Variants in TRIM66 observed in about 807,000 individuals in gnomAD.
The protein encoded by TRIM66 is tripartite motif containing 66, also known as tripartite motif-containing protein 66.
Under a neutral mutation model 148.2 loss-of-function variants are expected in TRIM66, and 99 were observed. The ratio of observed to expected loss-of-function variants is 0.67; its 90% CI spans 0.57 to 0.79. The LOEUF (loss-of-function observed/expected upper bound fraction) is 0.79, where lower values mean the gene tolerates loss of function less well. Ranked by LOEUF, TRIM66 falls within the 30% of genes least tolerant of loss-of-function variation. The pLI is 0.00. For missense variants in TRIM66, 1,666 were observed against 1,697.9 expected (o/e 0.98, Z 0.33); for synonymous variants, 616 against 635.9 (o/e 0.97, Z 0.47).
At chr11:8,638,511 A>G (rs972733514) in intron 15 of TRIM66, 143 bp downstream of exon 15, 5 of 880,528 alleles carry the variant, frequency 5.7e-6, no homozygotes, top group Non-Finnish European at 6.7e-6. Context: ...TCACTACGGC[A>G]GAAGGCATGA....
rs754524842 is a variant in TRIM66, at chr11:8,640,875, G to A, written c.1500C>T (p.Pro500=). 462 of 1,550,480 alleles carry A rather than the reference G, an allele frequency of 3.0e-4. No homozygotes were observed. The highest frequency in any genetic ancestry group is 3.5e-4 in the Non-Finnish European group (401 of 1,146,944). The change falls in exon 14 of 25, where the codon CCC becomes CCT. Residue 500 remains proline, a synonymous_variant. Transcript: ENST00000646038. ...HSFRQPPEMV[P]QQLGSLQCSA... is the part of the protein sequence containing the mutation. ...AGCACTGCAGAGACCCCAGCTGCTG[G>A]GGCACCATCTCAGGGGGCTGCCTGA...
At chr11:8,631,980 G>A (rs114185559) in intron 15 of TRIM66, among the ~76,000 whole-genome samples, 1 of 152,144 alleles carries the variant, frequency 6.6e-6, no homozygotes, top group Non-Finnish European at 1.5e-5. Flanking sequence ...TTTGGGAGTT[G>A]TGTCTAGGAA....
At chr11:8,682,775 A>T (rs1409393558), upstream of TRIM66, 1 of 1,613,470 alleles carries the variant, frequency 6.2e-7, no homozygotes, top group Non-Finnish European at 8.5e-7. Context: ...ACCTCGCGAG[A>T]CTTGGCGAAG....
At chr11:8,673,015 C>T (rs1483995570) in intron 4 of TRIM66, among the ~76,000 whole-genome samples, 2 of 148,774 alleles carry the variant, frequency 1.3e-5, no homozygotes, top group African/African-American at 5.0e-5. Context: ...TCTCTGCTCA[C>T]TGCAAGCTCC....
chr11:8,633,677 T>C (rs911707702), intron 15 of TRIM66, among the ~76,000 whole-genome samples: 6 of 152,280 alleles, frequency 3.9e-5, no homozygotes, highest in Non-Finnish European at 7.4e-5. Flanking sequence ...GAGGAAAAGA[T>C]TGTCCCTGAG....
chr11:8,659,738 C>T (rs1448171260), intron 6 of TRIM66, among the ~76,000 whole-genome samples: 1 of 152,132 alleles, frequency 6.6e-6, no homozygotes, highest in Non-Finnish European at 1.5e-5. Context: ...GCATTCAGAC[C>T]AGCACTGGTT....
At chr11:8,650,714 T>C (rs973691612) in intron 7 of TRIM66, among the ~76,000 whole-genome samples, 1 of 152,114 alleles carries the variant, frequency 6.6e-6, no homozygotes, top group African/African-American at 2.4e-5. Flanking sequence ...TGGAACTCAG[T>C]CTAGGAGTGG....
chr11:8,657,312 G>A (rs2037911953), intron 6 of TRIM66, among the ~76,000 whole-genome samples: 1 of 152,162 alleles, frequency 6.6e-6, no homozygotes, highest in Non-Finnish European at 1.5e-5. Flanking sequence ...GCAACTTGAA[G>A]CTGGGGTCCG....
chr11:8,675,759 TGA>T (rs2039149275), intron 3 of TRIM66, among the ~76,000 whole-genome samples: 2 of 152,152 alleles, frequency 1.3e-5, no homozygotes, highest in South Asian at 2.1e-4. Context: ...TATTAATTTT[TGA>T]GAGAGTCTCG....
chr11:8,673,179 C>T (rs57012665), intron 4 of TRIM66, among the ~76,000 whole-genome samples: 18,623 of 148,504 alleles, frequency 0.13, 1,427 homozygotes, highest in East Asian at 0.36. Context: ...CCACCCGCCT[C>T]GGCCTCCCAA....
chr11:8,640,939 C>G lies in TRIM66; in HGVS notation c.1436G>C (p.Gly479Ala), dbSNP rs1230611456. The G allele has an allele frequency of 2.6e-6, 4 of 1,550,996 alleles. No individual in the cohort carries two copies. The highest frequency in any genetic ancestry group is 3.5e-6 in the Non-Finnish European group (4 of 1,146,942). ...GTGTATGCTGGGTGGGGGGACCTGGCCTTTGAGGGAAGGCGAGACTGGGGA... is the reference window on the plus strand; with the variant it reads ...GTGTATGCTGGGTGGGGGGACCTGGGCTTTGAGGGAAGGCGAGACTGGGGA... ...HCSPVSPSLK[G>A]QVPPPSIHPA... The change falls in exon 14 of 25, where the codon GGC (glycine) becomes GCC (alanine). Residue 479 changes from glycine (G) to alanine (A), a missense_variant. By Grantham distance (60) the Gly-to-Ala change is moderately conservative. Transcript: ENST00000646038.
chr11:8,626,545 C>A (rs1310449151), intron 15 of TRIM66, among the ~76,000 whole-genome samples: 2 of 152,086 alleles, frequency 1.3e-5, no homozygotes, highest in East Asian at 3.8e-4. Flanking sequence ...AATACCAAGC[C>A]CCATCAATTC....
At position 8,617,153 on chromosome 11, in the gene TRIM66, G is replaced by C. The variant is rs1392303061; in HGVS notation, c.*791C>G. The C allele has an allele frequency of 6.6e-6, 1 of 152,222 alleles. No homozygotes were observed. The highest frequency in any genetic ancestry group is 1.5e-5 in the Non-Finnish European group (1 of 68,068). The allele number at this position is 152,222 out of a possible 1,614,324, so 9.4% of individuals were successfully genotyped here. Reference sequence around the variant, plus strand: ...TTCTCACCCTAAAGAAGTGTGATTAGCCCAGAGTAAGTAGCACAGAGGGCG... The same window carrying C: ...TTCTCACCCTAAAGAAGTGTGATTACCCCAGAGTAAGTAGCACAGAGGGCG... On this transcript the variant is annotated 3_prime_UTR_variant, in exon 25 of 25. Transcript: ENST00000646038.
At chr11:8,652,870 T>C (rs1472895209) in intron 6 of TRIM66, among the ~76,000 whole-genome samples, 4 of 152,260 alleles carry the variant, frequency 2.6e-5, no homozygotes, top group South Asian at 2.1e-4. Context: ...TCCAGACTTA[T>C]AGTCAGACAA....
rs1331846511 is a variant in TRIM66, at chr11:8,679,726, T to C, written c.-296A>G. The C allele has an allele frequency of 6.5e-6, 1 of 152,716 alleles. No homozygotes were observed. The highest frequency in any genetic ancestry group is 2.4e-5 in the African/African-American group (1 of 41,470). 9.5% of individuals were successfully genotyped at this position (152,716 alleles called of 1,614,324 possible). A position where few individuals can be genotyped will look rare whatever the true frequency, so the allele number is the denominator to read the frequency against. ...GTCAAATAGACGACGATGTCTTCTT[T>C]GATCTCCCCTCCTATTCTCAAGACC... On this transcript the variant is annotated 5_prime_UTR_variant, in exon 3 of 25. Transcript: ENST00000646038.
intron 6 of TRIM66, among the ~76,000 whole-genome samples, chr11:8,667,922 A>T (rs1019051852): frequency 2.0e-5 from 3 of 152,236 alleles, no homozygotes; most frequent in Admixed American, 1.3e-4. Context: ...TCTTTTAAGC[A>T]TATATCCAGA....
chr11:8,625,318 G>A, intron 15 of TRIM66, 90 bp from the exon 16 acceptor site: 4 of 1,403,240 alleles, frequency 2.9e-6, no homozygotes, highest in Non-Finnish European at 3.7e-6. Flanking sequence ...GAACTCCCAT[G>A]CTCCAATTCC....
chr11:8,647,903 G>T, intron 10 of TRIM66, 67 bp downstream of exon 10: 2 of 1,248,264 alleles, frequency 1.6e-6, no homozygotes, highest in Non-Finnish European at 1.1e-6. Flanking sequence ...TGACGGCCTG[G>T]TGTTGGAACC....
intron 15 of TRIM66, among the ~76,000 whole-genome samples, chr11:8,634,107 C>G (rs1375119079): frequency 1.3e-5 from 2 of 152,328 alleles, no homozygotes; most frequent in South Asian, 4.1e-4. Flanking sequence ...AAAGGTCCCT[C>G]TTGCAGGTGA....
Sources: gnomAD v4.1 joint callset for allele counts (sites outside exome capture counted in the v4.1 genomes callset) on GRCh38, gnomAD v4.1.1 for gene constraint, MANE v1.5 for transcripts, NCBI Gene and HGNC (gene_info 2026-07-23, HGNC 2026-07-21) for gene names.